Variants in NELL1 observed in about 807,000 individuals in gnomAD.
NELL1 encodes the protein protein kinase C-binding protein NELL1.
Under a neutral mutation model 107.4 loss-of-function variants are expected in NELL1, and 76 were observed. That is an observed-to-expected ratio of 0.71 (90% CI 0.59 to 0.86). The LOEUF (loss-of-function observed/expected upper bound fraction) is 0.86. Among genes scored for constraint, NELL1 ranks in the 40% least tolerant of loss-of-function variants. NELL1 has a pLI of 0.00. For synonymous variants in NELL1, 353 were observed against 341.2 expected, an observed-to-expected ratio of 1.03 and a Z score of -0.38; for missense variants, 1,024 against 1,005.5, an observed-to-expected ratio of 1.02 and a Z score of -0.25.
chr11:21,152,702 T>G (rs1268411291), intron 13 of NELL1, among the ~76,000 whole-genome samples: 4 of 152,206 alleles, frequency 2.6e-5, no homozygotes, highest in African/African-American at 9.6e-5. Flanking sequence ...TTCCCTCATA[T>G]GAGTTTCTTT....
chr11:20,881,149 T>C (rs1849400324), intron 4 of NELL1, among the ~76,000 whole-genome samples: 3 of 152,212 alleles, frequency 2.0e-5, no homozygotes. Context: ...TAAGCCTAGT[T>C]AGGAATTTTA....
chr11:21,555,603 C>A (rs1856685441), intron 16 of NELL1, among the ~76,000 whole-genome samples: 1 of 151,756 alleles, frequency 6.6e-6, no homozygotes, highest in African/African-American at 2.4e-5. Context: ...AAGGGAACAC[C>A]ATAGGAAAGG....
chr11:21,073,754 G>A (rs1280225892), intron 12 of NELL1, among the ~76,000 whole-genome samples: 4 of 152,044 alleles, frequency 2.6e-5, no homozygotes, highest in African/African-American at 9.7e-5. Flanking sequence ...TAGTTGAGTT[G>A]TTTCATTATT....
intron 5 of NELL1, among the ~76,000 whole-genome samples, chr11:20,886,783 G>A (rs952829411): frequency 2.6e-5 from 4 of 151,956 alleles, no homozygotes; most frequent in Non-Finnish European, 4.4e-5. Flanking sequence ...GTATACCAAG[G>A]TAACAAACCT....
intron 11 of NELL1, among the ~76,000 whole-genome samples, chr11:20,954,044 C>T (rs941435450): frequency 1.3e-5 from 2 of 152,326 alleles, no homozygotes; most frequent in South Asian, 2.1e-4. Context: ...CAGCCTCAGT[C>T]GGACTATGGC....
chr11:21,359,542 C>T (rs1851023644), intron 14 of NELL1, among the ~76,000 whole-genome samples: 1 of 152,188 alleles, frequency 6.6e-6, no homozygotes, highest in East Asian at 1.9e-4. Context: ...AGGATTCCCT[C>T]TTTGTCTTTT....
At chr11:21,309,277 TATGTATA>T (rs1468886380) in intron 14 of NELL1, among the ~76,000 whole-genome samples, 5 of 13,572 alleles carry the variant, frequency 3.7e-4, no homozygotes, top group African/African-American at 1.2e-3. Context: ...TATATATATA[TATGTATA>T]TATATATATA....
chr11:21,016,756 A>G (rs1183466258), intron 12 of NELL1, among the ~76,000 whole-genome samples: 1 of 152,080 alleles, frequency 6.6e-6, no homozygotes, highest in Non-Finnish European at 1.5e-5. Flanking sequence ...TACTTGGTAC[A>G]TGATTGTACC....
intron 12 of NELL1, among the ~76,000 whole-genome samples, chr11:21,053,624 T>A (rs1853548114): frequency 6.6e-6 from 1 of 152,084 alleles, no homozygotes; most frequent in African/African-American, 2.4e-5. Context: ...CCTTCCTGAG[T>A]CCCATACAGT....
intron 4 of NELL1, among the ~76,000 whole-genome samples, chr11:20,852,579 A>C (rs1848812862): frequency 6.6e-6 from 1 of 152,204 alleles, no homozygotes. Flanking sequence ...CACAAGTATA[A>C]TGCATGACAT....
At chr11:21,392,190 G>T (rs1374571131) in intron 15 of NELL1, among the ~76,000 whole-genome samples, 2 of 151,806 alleles carry the variant, frequency 1.3e-5, no homozygotes, top group African/African-American at 4.8e-5. Flanking sequence ...TCTAGTGTTT[G>T]CTGGGGCAAA....
At chr11:21,273,556 C>G (rs528087469) in intron 14 of NELL1, among the ~76,000 whole-genome samples, 29 of 152,244 alleles carry the variant, frequency 1.9e-4, no homozygotes, top group African/African-American at 6.7e-4. Context: ...CAGAGAACAC[C>G]ACAAAGATGC....
intron 2 of NELL1, among the ~76,000 whole-genome samples, chr11:20,749,829 A>G (rs975725652): frequency 6.6e-6 from 1 of 152,094 alleles, no homozygotes; most frequent in African/African-American, 2.4e-5. Context: ...TATTCACTAT[A>G]CTTTTTGTAT....
intron 18 of NELL1, among the ~76,000 whole-genome samples, chr11:21,572,671 A>G (rs1010938642): frequency 1.3e-5 from 2 of 151,862 alleles, no homozygotes; most frequent in Admixed American, 1.3e-4. Context: ...CCATTCTGAA[A>G]TGGTTATCTT....
intron 12 of NELL1, among the ~76,000 whole-genome samples, chr11:21,064,003 A>T (rs1853808045): frequency 1.3e-5 from 2 of 152,100 alleles, no homozygotes; most frequent in South Asian, 2.1e-4. Flanking sequence ...TGAAGCAAAG[A>T]CTTGAAGGAA....
chr11:21,524,994 A>T (rs896442438), intron 15 of NELL1, among the ~76,000 whole-genome samples: 2 of 152,348 alleles, frequency 1.3e-5, no homozygotes, highest in Non-Finnish European at 2.9e-5. Context: ...TGAGATTTGC[A>T]AATCCATAGG....
rs144227500 is a variant in NELL1, at chr11:21,529,629, A to T, written c.1646-4745A>T. Among the ~76,000 whole-genome samples, 1,438 of 152,310 alleles carry T rather than the reference A, an allele frequency of 9.4e-3. 11 individuals carry two copies. The highest frequency in any genetic ancestry group is 0.017 in the Middle Eastern group (5 of 294). On this transcript the variant is annotated intron_variant, in intron 15 of 19. Transcript: ENST00000357134. ...TAGATTCTATTCCTGAATGCTTAAC[A>T]AGGTTACACTTGTCTCAAAATCCAA...
At chr11:21,340,628 C>T (rs1024744397) in intron 14 of NELL1, among the ~76,000 whole-genome samples, 2 of 96,734 alleles carry the variant, frequency 2.1e-5, no homozygotes, top group Admixed American at 2.1e-4. Flanking sequence ...GTTACACACA[C>T]ACACACACAC....
At chr11:21,561,863 C>G (rs953030877) in intron 17 of NELL1, among the ~76,000 whole-genome samples, 4 of 151,922 alleles carry the variant, frequency 2.6e-5, no homozygotes, top group South Asian at 4.2e-4. Context: ...ACTCAAAGGG[C>G]AAAAATTTTT....
Sources: allele counts gnomAD v4.1 joint callset (sites outside exome capture counted in the v4.1 genomes callset), GRCh38; gene constraint gnomAD v4.1.1; transcripts MANE v1.5; gene names NCBI Gene and HGNC (gene_info 2026-07-23, HGNC 2026-07-21).